TRMT10C: variants seen among roughly 807,000 people sequenced by gnomAD.
TRMT10C encodes the protein tRNA methyltransferase 10 homolog C.
Under a neutral mutation model 27.4 loss-of-function variants are expected in TRMT10C, and 14 were observed. The observed-to-expected ratio is 0.51, with a 90% confidence interval of 0.34 to 0.80. The LOEUF (loss-of-function observed/expected upper bound fraction) is 0.80. TRMT10C is among the 30% of genes least tolerant of loss of function. The pLI, the probability that TRMT10C is intolerant of heterozygous loss-of-function variation, is 0.02. For missense variants in TRMT10C, 438 were observed against 464.8 expected (o/e 0.94, Z 0.53); for synonymous variants, 143 against 155.9 (o/e 0.92, Z 0.62).
chr3:101,562,922 G>A (rs1180114973), intron 1 of TRMT10C, among the ~76,000 whole-genome samples: 1 of 151,990 alleles, frequency 6.6e-6, no homozygotes, highest in African/African-American at 2.4e-5. Context: ...GAAAAGTAAT[G>A]GTGGAATACT....
Position 101,561,986 on chromosome 3 carries a change from A to G in TRMT10C, c.-30A>G, listed in dbSNP as rs1934423167. ...CCTGTTCTTTGCGCCAGCGGGAACC[A>G]CTATCTCTGCACTCCTGGTAAGCGA... On this transcript the variant is annotated 5_prime_UTR_variant, in exon 1 of 2. Coordinates refer to ENST00000309922, the MANE Select transcript of TRMT10C (RefSeq NM_017819.4). 6.6e-6 allele frequency: 1 copy of G among 152,654 alleles called. No homozygotes were observed. Among genetic ancestry groups the G allele is most frequent in the Non-Finnish European group, 1.5e-5 (1 of 68,330 alleles). The allele number at this position is 152,654 out of a possible 1,614,324, so 9.5% of individuals were successfully genotyped here.
In TRMT10C at chr3:101,565,443, A is replaced by G; in HGVS notation, c.662A>G (p.Gln221Arg). ...YENYMKRKEL[Q>R]NTVSQLLESE... ...AATTATATGAAACGAAAAGAATTGC[A>G]GAATACTGTTTCCCAGCTTTTAGAA... Residue 221 changes from glutamine to arginine, a missense_variant, in exon 2 of 2, where the codon CAG (glutamine) becomes CGG (arginine). This residue lies in a region of TRMT10C where 350 missense variants were observed against 370.5 expected (regional missense o/e 0.94). Transcript: ENST00000309922. 6.2e-7 allele frequency: 1 copy of G among 1,614,212 alleles called. No individual in the cohort carries two copies. Among genetic ancestry groups the G allele is most frequent in the Non-Finnish European group, 8.5e-7 (1 of 1,180,020 alleles).
At chr3:101,562,466 AAC>A (rs1934432492) in intron 1 of TRMT10C, among the ~76,000 whole-genome samples, 1 of 152,252 alleles carries the variant, frequency 6.6e-6, no homozygotes, top group African/African-American at 2.4e-5. Flanking sequence ...CATCCTGGCT[AAC>A]ACAGTGAAAC....
At position 101,566,307 on chromosome 3, in the gene TRMT10C, A is replaced by G. The variant is rs1934513919; in HGVS notation, c.*314A>G. The stretch of plus-strand genomic sequence containing the variant: ...AGTTGTACCATTGGTAGACTTTTTT[A>G]TGGAGGTTCCTAGAGGGTGGTGCCC... On this transcript the variant is annotated 3_prime_UTR_variant, in exon 2 of 2. Transcript: ENST00000309922. 4.5e-6 allele frequency: 1 copy of G among 220,636 alleles called. No homozygotes were observed. Among genetic ancestry groups the G allele is most frequent in the Admixed American group, 5.2e-5 (1 of 19,142 alleles). 13.7% of individuals were successfully genotyped at this position (220,636 alleles called of 1,614,324 possible).
At chr3:101,563,552 G>A (rs1354110622) in intron 1 of TRMT10C, among the ~76,000 whole-genome samples, 2 of 152,138 alleles carry the variant, frequency 1.3e-5, no homozygotes, top group Non-Finnish European at 2.9e-5. Flanking sequence ...AAAAAGAATA[G>A]GATAGAATGC....
intron 1 of TRMT10C, among the ~76,000 whole-genome samples, chr3:101,564,009 G>A (rs1229079276): frequency 6.6e-6 from 1 of 152,108 alleles, no homozygotes. Flanking sequence ...GCCATTCTCA[G>A]TACCTTTCAT....
At position 101,564,834 on chromosome 3, in the gene TRMT10C, C is replaced by G. The variant is rs774011392; in HGVS notation, c.53C>G (p.Thr18Ser). 2 of 1,612,136 alleles carry G rather than the reference C, an allele frequency of 1.2e-6. No homozygotes were observed. The highest frequency in any genetic ancestry group is 8.5e-7 in the Non-Finnish European group (1 of 1,178,800). The change falls in exon 2 of 2, where the codon ACC (threonine) becomes AGC (serine). Residue 18 changes from threonine (T) to serine (S), a missense_variant. By Grantham distance (58) the Thr-to-Ser change is moderately conservative. Around this residue, in one of 3 missense-constraint regions of TRMT10C, gnomAD observed 350 missense variants for 370.5 expected, o/e 0.94. Transcript: ENST00000309922. ...AGTGTCAATTTCTTCAGACCTTTCA[C>G]CAGGTTTTTGGTGCCATTTACCCTT... ...SVSVNFFRPF[T>S]RFLVPFTLHR...
chr3:101,563,708 A>T (rs1934462593), intron 1 of TRMT10C, among the ~76,000 whole-genome samples: 1 of 152,204 alleles, frequency 6.6e-6, no homozygotes, highest in African/African-American at 2.4e-5. Context: ...TTTTGTAAAA[A>T]TTTGAATTCC....
chr3:101,565,090 G>T lies in TRMT10C; in HGVS notation c.309G>T (p.Leu103Phe), dbSNP rs753119325. 1 of 1,613,928 alleles carries T rather than the reference G, an allele frequency of 6.2e-7. No individual in the cohort carries two copies. Among genetic ancestry groups the T allele is most frequent in the South Asian group, 1.1e-5 (1 of 91,064 alleles). The change falls in exon 2 of 2, where the codon TTG becomes TTT. Residue 103 changes from leucine (L) to phenylalanine (F), a missense_variant. By Grantham distance (22) the Leu-to-Phe change is conservative. Transcript: ENST00000309922. ...ATREFIEMWR[L>F]LGREVPEHIT... Reference sequence around the variant, plus strand: ...GAGAGTTCATTGAGATGTGGAGATTGCTTGGCAGAGAAGTACCAGAACACA... The same window carrying T: ...GAGAGTTCATTGAGATGTGGAGATTTCTTGGCAGAGAAGTACCAGAACACA...
At chr3:101,563,444 C>T (rs1054671642) in intron 1 of TRMT10C, among the ~76,000 whole-genome samples, 4 of 152,112 alleles carry the variant, frequency 2.6e-5, no homozygotes, top group African/African-American at 4.8e-5. Context: ...AGGAGTGAGC[C>T]ACTGCACCCG....
Position 101,564,757 on chromosome 3 carries a change from T to A in TRMT10C, c.-12-13T>A. Reference sequence around the variant, plus strand: ...TTTGTCTAATTTTTAATTGCATTTTTCTTCTTTTACAGGGGTTTTGTTACA... The same window carrying A: ...TTTGTCTAATTTTTAATTGCATTTTACTTCTTTTACAGGGGTTTTGTTACA... On this transcript the variant is annotated splice_polypyrimidine_tract_variant and intron_variant, in intron 1 of 1. Transcript: ENST00000309922. 1 of 1,479,008 alleles carries A rather than the reference T, an allele frequency of 6.8e-7. No individual in the cohort carries two copies. 91.6% of individuals were successfully genotyped at this position (1,479,008 alleles called of 1,614,324 possible). A position where few individuals can be genotyped will look rare whatever the true frequency, so the allele number is the denominator to read the frequency against.
Position 101,565,435 on chromosome 3 carries a change from A to C in TRMT10C, c.654A>C (p.Lys218Asn), listed in dbSNP as rs1934495197. The part of the protein sequence containing the change: ...DMAYENYMKR[K>N]ELQNTVSQLL... ...CTTACGAAAATTATATGAAACGAAA[A>C]GAATTGCAGAATACTGTTTCCCAGC... The change falls in exon 2 of 2, where the codon AAA becomes AAC. Residue 218 changes from lysine (K) to asparagine (N), a missense_variant. Transcript: ENST00000309922. 1 of 1,614,116 alleles carries C rather than the reference A, an allele frequency of 6.2e-7. No homozygotes were observed. The highest frequency in any genetic ancestry group is 8.5e-7 in the Non-Finnish European group (1 of 1,180,050).
Position 101,564,837 on chromosome 3 carries a change from G to T in TRMT10C, c.56G>T (p.Arg19Met), listed in dbSNP as rs761249403. ...GTCAATTTCTTCAGACCTTTCACCAGGTTTTTGGTGCCATTTACCCTTCAT... is the reference window on the plus strand; with the variant it reads ...GTCAATTTCTTCAGACCTTTCACCATGTTTTTGGTGCCATTTACCCTTCAT... ...VSVNFFRPFTRFLVPFTLHRK... is the reference protein window; with the variant it reads ...VSVNFFRPFTMFLVPFTLHRK... The change falls in exon 2 of 2, where the codon AGG becomes ATG. Residue 19 changes from arginine (R) to methionine (M), a missense_variant. Physicochemically the swap from Arg to Met is moderately conservative, Grantham distance 91. This residue lies in a region of TRMT10C where 350 missense variants were observed against 370.5 expected (regional missense o/e 0.94). Transcript: ENST00000309922. 1.9e-6 allele frequency: 3 copies of T among 1,612,382 alleles called. No homozygotes were observed. In the South Asian group the frequency reaches 3.3e-5, roughly 18 times the overall value.
Position 101,565,224 on chromosome 3 carries a change from TA to T in TRMT10C, c.449del (p.Lys150ArgfsTer3). ...TKEKVKKARQ[I>X]KKEMKAAARE... ...GAAAAAGTGAAAAAAGCTAGGCAAA[TA>T]AAAAAGGAAATGAAAGCAGCAGCAA... On this transcript the variant is annotated frameshift_variant, in exon 2 of 2. Coordinates refer to ENST00000309922, the MANE Select transcript of TRMT10C (RefSeq NM_017819.4). LOFTEE classifies it high-confidence loss of function. 6.3e-7 allele frequency: 1 copy of T among 1,599,392 alleles called. No individual in the cohort carries two copies. Among genetic ancestry groups the T allele is most frequent in the African/African-American group, 1.4e-5 (1 of 73,592 alleles).
rs1485472840 is a variant in TRMT10C, at chr3:101,565,313, C to A, written c.532C>A (p.Leu178Ile). The change falls in exon 2 of 2, where the codon CTA becomes ATA. Residue 178 changes from leucine to isoleucine, a missense_variant. Physicochemically the swap from Leu to Ile is conservative, Grantham distance 5 (BLOSUM62 2). Around this residue, in one of 3 missense-constraint regions of TRMT10C, gnomAD observed 350 missense variants for 370.5 expected, o/e 0.94. Coordinates refer to ENST00000309922, the MANE Select transcript of TRMT10C (RefSeq NM_017819.4). ...TTEEDKQKNF[L>I]FLRLWDRNMD... ...TGAGGAAGATAAACAGAAAAACTTT[C>A]TATTTTTACGACTTTGGGATAGGAA... 4 of 1,613,454 alleles carry A rather than the reference C, an allele frequency of 2.5e-6. No individual in the cohort carries two copies. The highest frequency in any genetic ancestry group is 4.5e-5 in the East Asian group (2 of 44,868).
Position 101,565,323 on chromosome 3 carries a change from G to T in TRMT10C, c.542G>T (p.Arg181Leu), listed in dbSNP as rs199730889. The T allele has an allele frequency of 1.2e-4, 196 of 1,613,354 alleles. No homozygotes were observed. The highest frequency in any genetic ancestry group is 3.5e-4 in the Admixed American group (21 of 59,804). The change falls in exon 2 of 2, where the codon CGA (arginine) becomes CTA (leucine). Residue 181 changes from arginine to leucine, a missense_variant. Coordinates refer to ENST00000309922, the MANE Select transcript of TRMT10C (RefSeq NM_017819.4). ...AAACAGAAAAACTTTCTATTTTTAC[G>T]ACTTTGGGATAGGAATATGGACATA... ...EDKQKNFLFLRLWDRNMDIAM... is the reference protein window; with the variant it reads ...EDKQKNFLFLLLWDRNMDIAM...
intron 1 of TRMT10C, among the ~76,000 whole-genome samples, chr3:101,562,763 T>C (rs982122612): frequency 6.6e-6 from 1 of 152,064 alleles, no homozygotes; most frequent in South Asian, 2.1e-4. Context: ...AGCCAAATAC[T>C]GTCAAGCATT....
At position 101,565,159 on chromosome 3, in the gene TRMT10C, CA is replaced by C; in HGVS notation, c.379del (p.Thr127GlnfsTer7). On this transcript the variant is annotated frameshift_variant, in exon 2 of 2. Transcript: ENST00000309922. LOFTEE classifies it high-confidence loss of function. Reference protein sequence around the residue: ...LKTLMECVSNTAKKKYLKYLY... With the variant: ...LKTLMECVSNXAKKKYLKYLY... The stretch of plus-strand genomic sequence containing the variant: ...AAACCCTTATGGAATGTGTTTCTAA[CA>C]CAGCAAAAAAAAAATATTTAAAATA... The C allele has an allele frequency of 6.4e-7, 1 of 1,566,688 alleles. No homozygotes were observed. Among genetic ancestry groups the C allele is most frequent in the Non-Finnish European group, 8.6e-7 (1 of 1,161,574 alleles).
Position 101,565,691 on chromosome 3 carries a change from G to A in TRMT10C, c.910G>A (p.Asp304Asn). 1 of 1,614,142 alleles carries A rather than the reference G, an allele frequency of 6.2e-7. No individual in the cohort carries two copies. ...CAATGTTATGACTACTTTCAGGCAT[G>A]ACAAAGTTTATGTAATTGGGTCTTT... Reference protein sequence around the residue: ...SPNVMTTFRHDKVYVIGSFVD... With the variant: ...SPNVMTTFRHNKVYVIGSFVD... The change falls in exon 2 of 2, where the codon GAC becomes AAC. Residue 304 changes from aspartate (D) to asparagine (N), a missense_variant. Transcript: ENST00000309922.
Sources: allele counts gnomAD v4.1 joint callset (sites outside exome capture counted in the v4.1 genomes callset), GRCh38; gene constraint gnomAD v4.1.1; regional missense constraint gnomAD v4.1.1; transcripts MANE v1.5; gene names NCBI Gene and HGNC (gene_info 2026-07-23, HGNC 2026-07-21).